The following TBXT variants were observed in gnomAD, a reference collection of about 807,000 sequenced individuals.
The protein encoded by TBXT is T brachyury transcription factor.
TBXT carries 19 observed loss-of-function variants against 41.1 expected under a neutral mutation model. That is an observed-to-expected ratio of 0.46 (90% CI 0.32 to 0.68). The LOEUF (loss-of-function observed/expected upper bound fraction) is 0.68. Among genes scored for constraint, TBXT ranks in the 30% least tolerant of loss-of-function variants. TBXT has a pLI of 0.03. For synonymous variants in TBXT, 213 were observed against 238.9 expected, an observed-to-expected ratio of 0.89 and a Z score of 1.00; for missense variants, 536 against 582.0, an observed-to-expected ratio of 0.92 and a Z score of 0.81.
rs775984313 is a variant in TBXT at position 166,162,844 on chromosome 6, C to T, written c.731-221G>A. Reference sequence around the variant, plus strand: ...GGCCAGGGACTGTCCCTCCATCACTCCAGAGAGCAGAGCCCAGGCCAGTGA... The same window carrying T: ...GGCCAGGGACTGTCCCTCCATCACTTCAGAGAGCAGAGCCCAGGCCAGTGA... On this transcript the variant is annotated intron_variant, in intron 5 of 7. Coordinates refer to ENST00000366876, the MANE Select transcript of TBXT (RefSeq NM_001366285.2). Among the ~76,000 whole-genome samples, 67 of 151,974 alleles carry T rather than the reference C, an allele frequency of 4.4e-4. 1 individual carries two copies. Among genetic ancestry groups the T allele is most frequent in the Non-Finnish European group, 8.1e-4 (55 of 67,948 alleles).
chr6:166,167,471 C>G lies in TBXT; in HGVS notation c.121G>C (p.Glu41Gln). Reference sequence around the variant, plus strand: ...CTCTCCTCCAGGCCCACGCGCAGTTCGCGCTCTGTGGGGTCGCCCTTCTCG... The same window carrying G: ...CTCTCCTCCAGGCCCACGCGCAGTTGGCGCTCTGTGGGGTCGCCCTTCTCG... ...GSEKGDPTERELRVGLEESEL... is the reference protein window; with the variant it reads ...GSEKGDPTERQLRVGLEESEL... The change falls in exon 1 of 8, where the codon GAA (glutamate) becomes CAA (glutamine). Residue 41 changes from glutamate (E) to glutamine (Q), a missense_variant. Glu to Gln is a conservative substitution (Grantham distance 29). Transcript: ENST00000366876. 6.2e-7 allele frequency: 1 copy of G among 1,612,392 alleles called. No homozygotes were observed. The highest frequency in any genetic ancestry group is 8.5e-7 in the Non-Finnish European group (1 of 1,179,940).
At chr6:166,167,216 C>G (rs1779145676) in intron 1 of TBXT, among the ~76,000 whole-genome samples, 170 bp downstream of exon 1, 1 of 152,248 alleles carries the variant, frequency 6.6e-6, no homozygotes. Flanking sequence ...GGAGAAAGCC[C>G]CAGAAGAGGG....
chr6:166,158,779 C>T (rs759350111), intron 7 of TBXT, among the ~76,000 whole-genome samples, 191 bp from the exon 8 acceptor site: 1 of 152,214 alleles, frequency 6.6e-6, no homozygotes, highest in Non-Finnish European at 1.5e-5. Context: ...AAGTTATTGT[C>T]GTATCTATTA....
chr6:166,165,157 G>T (rs1779072386), intron 3 of TBXT, among the ~76,000 whole-genome samples: 1 of 152,216 alleles, frequency 6.6e-6, no homozygotes, highest in Non-Finnish European at 1.5e-5. Context: ...ACAGTCTGGG[G>T]CTGCTTAGGA....
At chr6:166,164,914 T>C in intron 3 of TBXT, 53 bp from the exon 4 acceptor site, 4 of 1,484,036 alleles carry the variant, frequency 2.7e-6, no homozygotes, top group Non-Finnish European at 3.7e-6. Flanking sequence ...GCCAGGGGAT[T>C]TAATTTGGCA....
Position 166,167,429 on chromosome 6 carries a change from A to C in TBXT, c.163T>G (p.Phe55Val). ...GLEESELWLRFKELTNEMIVT... is the reference protein window; with the variant it reads ...GLEESELWLRVKELTNEMIVT... The stretch of plus-strand genomic sequence containing the variant: ...ATCATCTCATTGGTGAGCTCCTTGA[A>C]GCGCAGCCACAGCTCGCTCTCCTCC... The change falls in exon 1 of 8, where the codon TTC (phenylalanine) becomes GTC (valine). Residue 55 changes from phenylalanine (F) to valine (V), a missense_variant. Transcript: ENST00000366876. 1.2e-6 allele frequency: 2 copies of C among 1,613,204 alleles called. No individual in the cohort carries two copies. The highest frequency in any genetic ancestry group is 1.7e-6 in the Non-Finnish European group (2 of 1,179,932).
intron 4 of TBXT, 55 bp downstream of exon 4, chr6:166,164,745 T>G: frequency 6.2e-7 from 1 of 1,606,538 alleles, no homozygotes; most frequent in African/African-American, 1.3e-5. Context: ...CAGCAATATT[T>G]CATCTTTCTG....
chr6:166,158,121 G>A lies in TBXT; in HGVS notation c.*194C>T, dbSNP rs1778837750. The A allele has an allele frequency of 2.4e-6, 2 of 824,000 alleles. No homozygotes were observed. Among genetic ancestry groups the A allele is most frequent in the Non-Finnish European group, 3.9e-6 (2 of 513,452 alleles). 51.0% of individuals were successfully genotyped at this position (824,000 alleles called of 1,614,324 possible). On this transcript the variant is annotated 3_prime_UTR_variant, in exon 8 of 8. Transcript: ENST00000366876. Reference sequence around the variant, plus strand: ...CACCTGGGACAGCACCGCTACTGCAGGTGTGAGCAAGGGATGCTGGGGCTC... The same window carrying A: ...CACCTGGGACAGCACCGCTACTGCAAGTGTGAGCAAGGGATGCTGGGGCTC...
intron 5 of TBXT, among the ~76,000 whole-genome samples, chr6:166,162,843 TC>T (rs1779000844): frequency 1.3e-5 from 2 of 151,738 alleles, no homozygotes; most frequent in Admixed American, 6.6e-5. Flanking sequence ...CCTCCATCAC[TC>T]CAGAGAGCAG....
chr6:166,159,174 C>T (rs1347560464), intron 7 of TBXT, among the ~76,000 whole-genome samples: 2 of 152,188 alleles, frequency 1.3e-5, no homozygotes, highest in African/African-American at 4.8e-5. Flanking sequence ...CTCCGTCAAA[C>T]AAACACACAA....
intron 1 of TBXT, 45 bp from the exon 2 acceptor site, chr6:166,166,901 G>T: frequency 6.2e-7 from 1 of 1,611,854 alleles, no homozygotes. Context: ...ACACTGACCA[G>T]GTAGGCCGGA....
rs763746928 is a variant in TBXT at position 166,167,598 on chromosome 6, G to T, written c.-7C>A. Reference sequence around the variant, plus strand: ...CGGTGCCAGGGGAGCTCATCCTCCCGTCCGGCTCCCCTCCCCGCCGTCCCC... The same window carrying T: ...CGGTGCCAGGGGAGCTCATCCTCCCTTCCGGCTCCCCTCCCCGCCGTCCCC... On this transcript the variant is annotated 5_prime_UTR_variant, in exon 1 of 8. Transcript: ENST00000366876. 9 of 1,548,692 alleles carry T rather than the reference G, an allele frequency of 5.8e-6. No homozygotes were observed. The highest frequency in any genetic ancestry group is 6.9e-6 in the Non-Finnish European group (8 of 1,152,654).
Position 166,158,603 on chromosome 6 carries a change from C to T in TBXT, c.1038-15G>A. 1 of 1,498,972 alleles carries T rather than the reference C, an allele frequency of 6.7e-7. No individual in the cohort carries two copies. The highest frequency in any genetic ancestry group is 8.9e-7 in the Non-Finnish European group (1 of 1,120,070). The allele number at this position is 1,498,972 out of a possible 1,614,324, so 92.9% of individuals were successfully genotyped here. On this transcript the variant is annotated splice_polypyrimidine_tract_variant and intron_variant, in intron 7 of 7. Transcript: ENST00000366876. ...TGGGGTACTGACTGCAACAGAAAGA[C>T]ACCAGTGAGCAGGGCCTGGGCAGGG...
At chr6:166,167,245 G>A in intron 1 of TBXT, 141 bp downstream of exon 1, 1 of 975,474 alleles carries the variant, frequency 1.0e-6, no homozygotes, top group South Asian at 1.5e-5. Flanking sequence ...AAATGCACTC[G>A]AGGGAGTTAA....
chr6:166,159,153 C>T (rs1216806573), intron 7 of TBXT, among the ~76,000 whole-genome samples: 2 of 152,222 alleles, frequency 1.3e-5, no homozygotes, highest in Non-Finnish European at 2.9e-5. Context: ...GTCTGGGCAA[C>T]AAGAGTGAAA....
intron 2 of TBXT, among the ~76,000 whole-genome samples, chr6:166,166,197 G>T (rs1582970323): frequency 6.6e-6 from 1 of 152,150 alleles, no homozygotes; most frequent in African/African-American, 2.4e-5. Flanking sequence ...AACAATCCCC[G>T]ACTAAAGAAT....
rs1266674575 is a variant in TBXT, at chr6:166,165,938, A to C, written c.472-98T>G. On this transcript the variant is annotated intron_variant, in intron 2 of 7. Coordinates refer to ENST00000366876, the MANE Select transcript of TBXT (RefSeq NM_001366285.2). ...GGATGCAGAAAGTCCTCTGGATCCCAAGAAAGTGTCTCTGCTGTTGAGGGA... is the reference window on the plus strand; with the variant it reads ...GGATGCAGAAAGTCCTCTGGATCCCCAGAAAGTGTCTCTGCTGTTGAGGGA... 3.2e-6 allele frequency: 5 copies of C among 1,567,630 alleles called. No homozygotes were observed. The African/African-American group carries it at 5.4e-5, about 17-fold the overall frequency.
In TBXT at chr6:166,158,372, G is replaced by A. The variant is rs372419736; in HGVS notation, c.1254C>T (p.Ala418=). The change falls in exon 8 of 8, where the codon GCC becomes GCT. Residue 418 remains alanine (A), a synonymous_variant. Transcript: ENST00000366876. ...ATDIVDSQYD[A]AAQGRLIASW... is the part of the protein sequence containing the mutation. ...AGGCTATGAGGCGGCCTTGGGCTGCGGCGTCGTACTGGCTGTCCACGATGT... is the reference window on the plus strand; with the variant it reads ...AGGCTATGAGGCGGCCTTGGGCTGCAGCGTCGTACTGGCTGTCCACGATGT... 61 of 1,614,114 alleles carry A rather than the reference G, an allele frequency of 3.8e-5. No homozygotes were observed. Among genetic ancestry groups the A allele is most frequent in the Middle Eastern group, 3.3e-4 (2 of 6,084 alleles).
At chr6:166,165,131 A>G (rs1459710137) in intron 3 of TBXT, among the ~76,000 whole-genome samples, 1 of 152,374 alleles carries the variant, frequency 6.6e-6, no homozygotes, top group East Asian at 1.9e-4. Flanking sequence ...TGTATAAATC[A>G]GAAATGGCTG....
Sources: gnomAD v4.1 joint callset for allele counts (sites outside exome capture counted in the v4.1 genomes callset) on GRCh38, gnomAD v4.1.1 for gene constraint, MANE v1.5 for transcripts, NCBI Gene and HGNC (gene_info 2026-07-23, HGNC 2026-07-21) for gene names.